The following NCOR1 variants were observed in gnomAD, a reference collection of about 807,000 sequenced individuals.
NCOR1 encodes the protein protein phosphatase 1, regulatory subunit 109.
Under a neutral mutation model 288.1 loss-of-function variants are expected in NCOR1, and 63 were observed. The observed-to-expected ratio is 0.22, with a 90% confidence interval of 0.18 to 0.27. The LOEUF is 0.27. NCOR1 is among the 10% of genes least tolerant of loss of function. The probability of loss-of-function intolerance (pLI) is 1.00; values close to 1 mark genes in which losing one functional copy is unlikely to be tolerated. For synonymous variants in NCOR1, 1,007 were observed against 1,065.9 expected, an observed-to-expected ratio of 0.94 and a Z score of 1.08; for missense variants, 2,397 against 3,019.2, an observed-to-expected ratio of 0.79 and a Z score of 4.83.
intron 32 of NCOR1, among the ~76,000 whole-genome samples, chr17:16,067,436 G>T (rs1027843395): frequency 6.6e-6 from 1 of 152,188 alleles, no homozygotes; most frequent in African/African-American, 2.4e-5. Flanking sequence ...GCTTGGAAGT[G>T]TCTTTACTTG....
intron 20 of NCOR1, chr17:16,098,761 C>T (rs2067093894): frequency 9.2e-6 from 2 of 218,224 alleles, no homozygotes; most frequent in Non-Finnish European, 1.8e-5. Context: ...TTACCATGGC[C>T]CCTGTGCAAG....
intron 3 of NCOR1, among the ~76,000 whole-genome samples, chr17:16,173,110 T>G (rs978158272): frequency 5.9e-5 from 9 of 152,080 alleles, no homozygotes; most frequent in African/African-American, 2.2e-4. Flanking sequence ...TTTGTAGAGA[T>G]GAGGTCTTGC....
Position 16,040,427 on chromosome 17 carries a change from C to T in NCOR1, c.6733+14G>A. On this transcript the variant is annotated intron_variant, in intron 43 of 45. Transcript: ENST00000268712. ...CCAATTTTGTATTGGTAAATAATGT[C>T]TTTTCAATCTTACCTGACGTAGTAA... is the stretch of plus-strand genomic sequence containing the variant. The T allele has an allele frequency of 1.2e-6, 2 of 1,612,238 alleles. No individual in the cohort carries two copies. The highest frequency in any genetic ancestry group is 4.5e-5 in the East Asian group (2 of 44,842).
At chr17:16,211,064 C>T (rs751978004) in intron 1 of NCOR1, among the ~76,000 whole-genome samples, 1 of 151,876 alleles carries the variant, frequency 6.6e-6, no homozygotes, top group Non-Finnish European at 1.5e-5. Flanking sequence ...ATCGATTCAT[C>T]CCATGGATGA....
At chr17:16,143,857 G>C (rs2077482335) in intron 10 of NCOR1, among the ~76,000 whole-genome samples, 161 bp from the exon 11 acceptor site, 1 of 118,418 alleles carries the variant, frequency 8.4e-6, no homozygotes, top group South Asian at 2.4e-4. Flanking sequence ...AATATGCTGT[G>C]TCACCTATTA....
Position 16,210,715 on chromosome 17 carries a change from T to C in NCOR1, c.-71+4647A>G, listed in dbSNP as rs572223447. ...TAAATATCCAAAGTAATCTCTCATT[T>C]CCTATTCACTCCAATTTTTTTTTTT... is the stretch of plus-strand genomic sequence containing the variant. On this transcript the variant is annotated intron_variant, in intron 1 of 45. Transcript: ENST00000268712. 2.3e-4 allele frequency among the ~76,000 whole-genome samples: 35 copies of C among 152,008 alleles called. 1 individual carries two copies. The South Asian group carries it at 5.0e-3, about 22-fold the overall frequency.
chr17:16,173,977 G>C (rs536081315), intron 3 of NCOR1, among the ~76,000 whole-genome samples: 3 of 150,214 alleles, frequency 2.0e-5, no homozygotes, highest in Non-Finnish European at 4.4e-5. Context: ...AAAGAACATA[G>C]CTAGGAATAA....
intron 22 of NCOR1, among the ~76,000 whole-genome samples, chr17:16,091,007 CAT>C (rs1275297566): frequency 3.3e-5 from 5 of 152,142 alleles, no homozygotes; most frequent in Admixed American, 2.0e-4. Context: ...TAACCAGAAA[CAT>C]GTGCCAATTC....
chr17:16,076,938 A>G (rs949931493), intron 26 of NCOR1, among the ~76,000 whole-genome samples: 7 of 152,216 alleles, frequency 4.6e-5, no homozygotes, highest in Non-Finnish European at 2.9e-5. Context: ...AAATAGCCCA[A>G]TTCTCCACGA....
chr17:16,199,210 A>ACACACAC (rs1555813660), intron 1 of NCOR1, among the ~76,000 whole-genome samples: 6 of 109,216 alleles, frequency 5.5e-5, no homozygotes, highest in African/African-American at 1.4e-4. Context: ...GAAGGAAAAA[A>ACACACAC]AAAAAAACAC....
At chr17:16,107,727 A>ACTAC in intron 19 of NCOR1, among the ~76,000 whole-genome samples, 1 of 152,068 alleles carries the variant, frequency 6.6e-6, no homozygotes, top group South Asian at 2.1e-4. Flanking sequence ...AACACACCAA[A>ACTAC]CTACCTTCCC....
At chr17:16,190,844 G>A (rs2088090716) in intron 2 of NCOR1, among the ~76,000 whole-genome samples, 1 of 152,164 alleles carries the variant, frequency 6.6e-6, no homozygotes, top group Admixed American at 6.5e-5. Flanking sequence ...GGCAGCAGAG[G>A]GCTTGATCGC....
intron 21 of NCOR1, among the ~76,000 whole-genome samples, chr17:16,094,065 T>G (rs2065888578): frequency 6.6e-6 from 1 of 151,018 alleles, no homozygotes; most frequent in Non-Finnish European, 1.5e-5. Flanking sequence ...GCGGAGCTAA[T>G]TTTTTTTTGT....
intron 18 of NCOR1, among the ~76,000 whole-genome samples, chr17:16,110,720 T>TAA: frequency 6.6e-6 from 1 of 152,324 alleles, no homozygotes; most frequent in African/African-American, 2.4e-5. Context: ...ACTGCCCTGT[T>TAA]AAAAATTACC....
At chr17:16,133,280 A>G (rs7218945) in intron 14 of NCOR1, among the ~76,000 whole-genome samples, 3,580 of 152,252 alleles carry the variant, frequency 0.024, 145 homozygotes, top group African/African-American at 0.081. Flanking sequence ...CACACTATAC[A>G]TTTATCTGCT....
chr17:16,166,440 G>T (rs1438289285), intron 4 of NCOR1, among the ~76,000 whole-genome samples: 2 of 152,048 alleles, frequency 1.3e-5, no homozygotes, highest in Non-Finnish European at 2.9e-5. Context: ...CAGTACTTTG[G>T]GATGCTGACG....
At position 16,159,413 on chromosome 17, in the gene NCOR1, CAAAAA is replaced by C. The variant is rs35243097; in HGVS notation, c.619-545_619-541del. On this transcript the variant is annotated intron_variant, in intron 5 of 45. Transcript: ENST00000268712. The stretch of plus-strand genomic sequence containing the variant: ...GGGCAACAAGAGCAAAACTCTATCT[CAAAAA>C]AAAAAAAAAAAAAAAAAGATTTTAA... 3.9e-4 allele frequency among the ~76,000 whole-genome samples: 26 copies of C among 66,296 alleles called. 1 individual carries two copies. Among genetic ancestry groups the C allele is most frequent in the Admixed American group, 2.5e-3 (14 of 5,634 alleles). The allele number at this position is 66,296 out of a possible 152,430, so 43.5% of individuals were successfully genotyped here. A position where few individuals can be genotyped will look rare whatever the true frequency, so the allele number is the denominator to read the frequency against.
chr17:16,200,843 A>G (rs1228152469), intron 1 of NCOR1, among the ~76,000 whole-genome samples: 1 of 152,166 alleles, frequency 6.6e-6, no homozygotes, highest in African/African-American at 2.4e-5. Flanking sequence ...GCTAAGAAGG[A>G]CCACCACCCT....
intron 21 of NCOR1, among the ~76,000 whole-genome samples, 186 bp from the exon 22 acceptor site, chr17:16,092,244 C>G (rs948616132): frequency 6.6e-6 from 1 of 152,092 alleles, no homozygotes. Flanking sequence ...AATCCCATCA[C>G]TTTGGGAGGC....
Sources: allele counts gnomAD v4.1 joint callset (sites outside exome capture counted in the v4.1 genomes callset), GRCh38; gene constraint gnomAD v4.1.1; transcripts MANE v1.5; gene names NCBI Gene and HGNC (gene_info 2026-07-23, HGNC 2026-07-21).